IL33: variants seen among roughly 807,000 people sequenced by gnomAD.
IL33 encodes interleukin 33.
In IL33, 37 loss-of-function variants were observed where a neutral mutation model predicts 27.3. The ratio of observed to expected loss-of-function variants is 1.36; its 90% confidence interval spans 1.04 to 1.78. The LOEUF (loss-of-function observed/expected upper bound fraction) is 1.78, where lower values mean the gene tolerates loss of function less well. Ranked by LOEUF, IL33 falls within the 40% of genes most tolerant of loss-of-function variation. The pLI, the probability that IL33 is intolerant of heterozygous loss-of-function variation, is 0.00. For synonymous variants in IL33, 132 were observed against 102.9 expected (o/e 1.28, Z -1.71); for missense variants, 406 against 311.4 (o/e 1.30, Z -2.29).
intron 1 of IL33, among the ~76,000 whole-genome samples, chr9:6,232,313 A>G (rs183059924): frequency 6.6e-6 from 1 of 152,290 alleles, no homozygotes; most frequent in East Asian, 1.9e-4. Context: ...AACTACGCAA[A>G]TTTGCATCTT....
At chr9:6,221,679 C>T (rs1319265061) in intron 1 of IL33, among the ~76,000 whole-genome samples, 1 of 152,160 alleles carries the variant, frequency 6.6e-6, no homozygotes, top group Admixed American at 6.5e-5. Flanking sequence ...CCCGTTGGTT[C>T]TCCTTACTAT....
chr9:6,226,106 C>T (rs1209172597), intron 1 of IL33, among the ~76,000 whole-genome samples: 1 of 152,164 alleles, frequency 6.6e-6, no homozygotes, highest in Non-Finnish European at 1.5e-5. Flanking sequence ...CTCCTGGGCT[C>T]AAGCAATCCT....
Position 6,252,831 on chromosome 9 carries a change from T to G in IL33, c.344-35T>G, listed in dbSNP as rs1344506556. 1.9e-6 allele frequency: 3 copies of G among 1,589,382 alleles called. No individual in the cohort carries two copies. In the East Asian group the frequency reaches 6.7e-5, roughly 36 times the overall value. On this transcript the variant is annotated intron_variant, in intron 4 of 7. Transcript: ENST00000682010. The stretch of plus-strand genomic sequence containing the variant: ...TTTTTTAAAAAGGTTGCCAAAAGAA[T>G]TGTGCCTGACAAATTTTTGAATTCT...
In IL33 at chr9:6,256,515, T is replaced by C. The variant is rs1816741353; in HGVS notation, c.*347T>C. ...GCTAAGGCCACTGAGGAAAGAGCCA[T>C]AGCTTAAGTCTCTATGTAGACAGGG... On this transcript the variant is annotated 3_prime_UTR_variant, in exon 8 of 8. Transcript: ENST00000682010. 2.5e-6 allele frequency: 1 copy of C among 395,606 alleles called. No individual in the cohort carries two copies. The highest frequency in any genetic ancestry group is 4.5e-6 in the Non-Finnish European group (1 of 223,068). The allele number at this position is 395,606 out of a possible 1,614,324, so 24.5% of individuals were successfully genotyped here. A position where few individuals can be genotyped will look rare whatever the true frequency, so the allele number is the denominator to read the frequency against.
At chr9:6,253,395 T>C (rs1020418367) in intron 5 of IL33, among the ~76,000 whole-genome samples, 157 bp from the exon 6 acceptor site, 5 of 152,236 alleles carry the variant, frequency 3.3e-5, no homozygotes, top group Non-Finnish European at 7.3e-5. Context: ...CAGAGCATAT[T>C]CGTGCATTTT....
intron 2 of IL33, 68 bp downstream of exon 2, chr9:6,241,853 C>G: frequency 9.8e-7 from 1 of 1,021,474 alleles, no homozygotes; most frequent in Non-Finnish European, 1.5e-6. Context: ...ATTTATACTC[C>G]AATGTTTATA....
intron 5 of IL33, 44 bp downstream of exon 5, chr9:6,253,035 A>G (rs958483518): frequency 4.0e-6 from 5 of 1,245,690 alleles, no homozygotes; most frequent in Non-Finnish European, 5.6e-6. Context: ...AATGACTAAT[A>G]AAAGTAAAAC....
At chr9:6,253,998 G>T (rs771006387) in intron 6 of IL33, among the ~76,000 whole-genome samples, 3 of 152,164 alleles carry the variant, frequency 2.0e-5, no homozygotes, top group Non-Finnish European at 2.9e-5. Context: ...CAGAAAAACA[G>T]ATGTATGCAT....
intron 1 of IL33, among the ~76,000 whole-genome samples, chr9:6,229,175 T>TA (rs1450347224): frequency 2.0e-4 from 30 of 152,086 alleles, no homozygotes; most frequent in Non-Finnish European, 4.1e-4. Context: ...GGCTTTCACA[T>TA]ACCCTCCTTG....
intron 2 of IL33, 147 bp from the exon 3 acceptor site, chr9:6,250,327 T>C: frequency 1.1e-6 from 1 of 916,178 alleles, no homozygotes; most frequent in Admixed American, 2.8e-5. Flanking sequence ...TCTAAAAAAC[T>C]CCGAATTTTG....
At chr9:6,236,067 G>A (rs1454923132) in intron 1 of IL33, among the ~76,000 whole-genome samples, 1 of 147,176 alleles carries the variant, frequency 6.8e-6, no homozygotes, top group Non-Finnish European at 1.5e-5. Context: ...ACAACTGTCA[G>A]TTGCAACACT....
At chr9:6,250,396 G>C (rs1816278073) in intron 2 of IL33, 78 bp from the exon 3 acceptor site, 1 of 1,483,944 alleles carries the variant, frequency 6.7e-7, no homozygotes, top group Non-Finnish European at 9.2e-7. Context: ...TTGCTTTCTT[G>C]GTCTGCTACA....
chr9:6,253,099 C>T, intron 5 of IL33, 108 bp downstream of exon 5: 1 of 776,562 alleles, frequency 1.3e-6, no homozygotes, highest in Non-Finnish European at 2.0e-6. Context: ...ACATGGCAAA[C>T]AGGTCATGCT....
At chr9:6,248,826 G>A (rs747433127) in intron 2 of IL33, among the ~76,000 whole-genome samples, 1 of 151,726 alleles carries the variant, frequency 6.6e-6, no homozygotes, top group Non-Finnish European at 1.5e-5. Context: ...CAATTTTCTT[G>A]CCTCAGCCTC....
chr9:6,229,660 T>C (rs1383470753), intron 1 of IL33, among the ~76,000 whole-genome samples: 1 of 152,104 alleles, frequency 6.6e-6, no homozygotes, highest in Non-Finnish European at 1.5e-5. Context: ...GATGCCTGCC[T>C]TACTTAGTTT....
chr9:6,245,545 G>T (rs2130361912), intron 2 of IL33, among the ~76,000 whole-genome samples: 1 of 152,300 alleles, frequency 6.6e-6, no homozygotes, highest in South Asian at 2.1e-4. Context: ...GTAGTGTGAT[G>T]ATAAAGTGAG....
intron 6 of IL33, among the ~76,000 whole-genome samples, chr9:6,254,209 G>A (rs1255765835): frequency 6.6e-6 from 1 of 152,098 alleles, no homozygotes; most frequent in Non-Finnish European, 1.5e-5. Context: ...CTGATGCCCC[G>A]AGAAGTAACC....
At chr9:6,248,240 C>CTTTTTTTTTT (rs1179234471) in intron 2 of IL33, among the ~76,000 whole-genome samples, 52 of 84,884 alleles carry the variant, frequency 6.1e-4, no homozygotes, top group Non-Finnish European at 8.9e-4. Context: ...CTTTTCTTTT[C>CTTTTTTTTTT]TTTTTTTTTT....
chr9:6,226,612 T>C (rs1025713128), intron 1 of IL33, among the ~76,000 whole-genome samples: 1 of 152,238 alleles, frequency 6.6e-6, no homozygotes, highest in African/African-American at 2.4e-5. Context: ...ATCTTCTGTT[T>C]AATTGAACCA....
Sources: gnomAD v4.1 joint callset for allele counts (sites outside exome capture counted in the v4.1 genomes callset) on GRCh38, gnomAD v4.1.1 for gene constraint, MANE v1.5 for transcripts, NCBI Gene and HGNC (gene_info 2026-07-23, HGNC 2026-07-21) for gene names.